The following TREH variants were observed in gnomAD, a reference collection of about 807,000 sequenced individuals.
The protein encoded by TREH is alpha,alpha-trehalose glucohydrolase.
A neutral mutation model predicts 80.5 loss-of-function variants in TREH; 69 were observed. That is an observed-to-expected ratio of 0.86 (90% CI 0.71 to 1.05). The LOEUF (loss-of-function observed/expected upper bound fraction) is 1.05. TREH is among the 50% of genes least tolerant of loss of function. The probability of loss-of-function intolerance (pLI) is 0.00; values close to 1 mark genes in which losing one functional copy is unlikely to be tolerated. For missense variants in TREH, 716 were observed against 718.8 expected (o/e 1.00, Z 0.04); for synonymous variants, 309 against 293.5 (o/e 1.05, Z -0.54).
chr11:118,658,437 C>T lies in TREH; in HGVS notation c.1604G>A (p.Gly535Glu). ...GGGGEYEVQE[G>E]FGWTNGVVLM... ...GACCACGCCATTCGTCCAGCCAAAT[C>T]CCTCCTGGGAGAGGCAGGGCAGTGG... The change falls in exon 15 of 15, where the codon GGA (glycine) becomes GAA (glutamate). Residue 535 changes from glycine to glutamate, a missense_variant. Coordinates refer to ENST00000264029, the MANE Select transcript of TREH (RefSeq NM_007180.3). The T allele has an allele frequency of 1.2e-6, 2 of 1,610,988 alleles. No homozygotes were observed. Among genetic ancestry groups the T allele is most frequent in the South Asian group, 1.1e-5 (1 of 90,696 alleles).
chr11:118,669,362 A>G (rs1348828121), intron 1 of TREH, among the ~76,000 whole-genome samples: 2 of 152,256 alleles, frequency 1.3e-5, no homozygotes, highest in East Asian at 3.8e-4. Context: ...CCAAAAGAAA[A>G]GAATCAATGT....
chr11:118,658,329 G>A lies in TREH; in HGVS notation c.1712C>T (p.Thr571Ile), dbSNP rs561542188. ...AFLEPHCLAA[T>I]LLPSLLLSLL... ...GCTGAGCAGGAGGCTGGGCAGAAGG[G>A]TGGCCGCCAGGCAGTGGGGCTCCAG... is the stretch of plus-strand genomic sequence containing the variant. Residue 571 changes from threonine (T) to isoleucine (I), a missense_variant, in exon 15 of 15, where the codon ACC (threonine) becomes ATC (isoleucine). By Grantham distance (89) the Thr-to-Ile change is moderately conservative. Transcript: ENST00000264029. 3.1e-6 allele frequency: 5 copies of A among 1,592,854 alleles called. No homozygotes were observed. The highest frequency in any genetic ancestry group is 4.3e-6 in the Non-Finnish European group (5 of 1,170,692).
At chr11:118,672,119 G>A (rs1232756779) in intron 1 of TREH, among the ~76,000 whole-genome samples, 1 of 152,216 alleles carries the variant, frequency 6.6e-6, no homozygotes, top group African/African-American at 2.4e-5. Context: ...AACCACCTGG[G>A]CCGGGCATGG....
chr11:118,659,710 G>T, intron 11 of TREH, 37 bp downstream of exon 11: 1 of 1,551,148 alleles, frequency 6.4e-7, no homozygotes, highest in Non-Finnish European at 8.7e-7. Flanking sequence ...GGGCGGTGCT[G>T]CCTGCAGTGG....
Position 118,661,403 on chromosome 11 carries a change from C to T in TREH, c.724G>A (p.Ala242Thr), listed in dbSNP as rs200534594. The change falls in exon 7 of 15, where the codon GCC becomes ACC. Residue 242 changes from alanine to threonine, a missense_variant. Physicochemically the swap from Ala to Thr is moderately conservative, Grantham distance 58. Coordinates refer to ENST00000264029, the MANE Select transcript of TREH (RefSeq NM_007180.3). The surrounding 1 kb of genome is among the most constrained non-coding windows in gnomAD (Gnocchi z 4.2). ...GAGGGTGGTACCCACTGTAGAAAGGCGGTGTCATTGGTGTGAGTCAAGTAG... is the reference window on the plus strand; with the variant it reads ...GAGGGTGGTACCCACTGTAGAAAGGTGGTGTCATTGGTGTGAGTCAAGTAG... The part of the protein sequence containing the change: ...DCYLTHTNDT[A>T]FLQENIETLA... 3.3e-4 allele frequency: 525 copies of T among 1,613,902 alleles called. No homozygotes were observed. The highest frequency in any genetic ancestry group is 7.3e-4 in the Admixed American group (44 of 60,016).
intron 1 of TREH, among the ~76,000 whole-genome samples, chr11:118,668,405 C>CA (rs1314484233): frequency 1.5e-4 from 23 of 150,660 alleles, no homozygotes; most frequent in African/African-American, 3.9e-4. Flanking sequence ...CCTGTCTCTA[C>CA]AAAAAAAATG....
intron 1 of TREH, among the ~76,000 whole-genome samples, chr11:118,676,207 G>A (rs1004973800): frequency 2.0e-5 from 3 of 152,332 alleles, no homozygotes; most frequent in Middle Eastern, 3.4e-3. Context: ...CTGCCTTCAT[G>A]TGGAGTCGTC....
intron 1 of TREH, among the ~76,000 whole-genome samples, chr11:118,678,357 C>CTATTATTAT (rs35368922): frequency 6.6e-6 from 1 of 151,008 alleles, no homozygotes; most frequent in Non-Finnish European, 1.5e-5. Context: ...TGTTTTGCTT[C>CTATTATTAT]TATTATTATT....
intron 4 of TREH, chr11:118,662,597 G>T (rs2137266229): frequency 4.4e-6 from 2 of 456,118 alleles, no homozygotes; most frequent in East Asian, 8.7e-5. Context: ...CTACCCAGTG[G>T]TGCCAGAGGC....
chr11:118,664,060 A>T (rs1163836680), intron 1 of TREH, among the ~76,000 whole-genome samples: 1 of 152,222 alleles, frequency 6.6e-6, no homozygotes, highest in African/African-American at 2.4e-5. Flanking sequence ...GAAATGGTTT[A>T]TTCAGGAGTC....
chr11:118,673,213 A>G (rs1310573748), intron 1 of TREH, among the ~76,000 whole-genome samples: 1 of 152,226 alleles, frequency 6.6e-6, no homozygotes, highest in South Asian at 2.1e-4. Context: ...GAAGAAATGT[A>G]ACTCAGTGGT....
chr11:118,663,118 A>T lies in TREH; in HGVS notation c.269T>A (p.Val90Asp). The change falls in exon 3 of 15, where the codon GTC (valine) becomes GAC (aspartate). Residue 90 changes from valine (V) to aspartate (D), a missense_variant. By Grantham distance (152) the Val-to-Asp change is radical. Coordinates refer to ENST00000264029, the MANE Select transcript of TREH (RefSeq NM_007180.3). ...CCCCTTGGCCTGGAAGTGTTCGTGG[A>T]CAAACGCCTGCAGCTGCTCCCTGGG... is the stretch of plus-strand genomic sequence containing the variant. ...SIPREQLQAF[V>D]HEHFQAKGQE... 1 of 1,613,972 alleles carries T rather than the reference A, an allele frequency of 6.2e-7. No homozygotes were observed. Among genetic ancestry groups the T allele is most frequent in the South Asian group, 1.1e-5 (1 of 91,074 alleles).
At chr11:118,662,817 C>G (rs1949338687) in intron 4 of TREH, 64 bp downstream of exon 4, 2 of 1,530,634 alleles carry the variant, frequency 1.3e-6, no homozygotes, top group Admixed American at 3.9e-5. Flanking sequence ...CACTGTGGGC[C>G]CCAGGCACAT....
chr11:118,658,877 G>C, intron 13 of TREH, 28 bp downstream of exon 13: 1 of 1,612,546 alleles, frequency 6.2e-7, no homozygotes, highest in Non-Finnish European at 8.5e-7. Context: ...ACAGCCTGGG[G>C]GTGCAGGGAG....
intron 12 of TREH, 63 bp from the exon 13 acceptor site, chr11:118,659,080 G>T (rs1215174888): frequency 4.0e-6 from 6 of 1,501,280 alleles, no homozygotes; most frequent in Non-Finnish European, 5.5e-6. Flanking sequence ...AGCAGTGGCT[G>T]CACCCTACTC....
Position 118,679,524 on chromosome 11 carries a change from TC to T in TREH, c.89+14del. ...TTATTGCCATCCTCCCCTGCTGCCTTCCCCACACCCCTACCTCTCACAGGGT... is the reference window on the plus strand; with the variant it reads ...TTATTGCCATCCTCCCCTGCTGCCTTCCCACACCCCTACCTCTCACAGGGT... On this transcript the variant is annotated intron_variant, in intron 1 of 14. Transcript: ENST00000264029. 1 of 1,472,932 alleles carries T rather than the reference TC, an allele frequency of 6.8e-7. No homozygotes were observed. Among genetic ancestry groups the T allele is most frequent in the Non-Finnish European group, 9.0e-7 (1 of 1,106,440 alleles). 91.2% of individuals were successfully genotyped at this position (1,472,932 alleles called of 1,614,324 possible).
chr11:118,677,674 G>A (rs1266421276), intron 1 of TREH, among the ~76,000 whole-genome samples: 1 of 152,228 alleles, frequency 6.6e-6, no homozygotes. Context: ...GCAGCGAGCC[G>A]AGATTGCACC....
chr11:118,659,767 T>A lies in TREH; in HGVS notation c.1300A>T (p.Lys434Ter). Residue 434 changes from lysine (K) to a stop codon, truncating the protein, a stop_gained, in exon 11 of 15, where the codon AAG becomes TAG. Transcript: ENST00000264029. LOFTEE classifies it high-confidence loss of function. ...CTCACCTCCAGGTATTTCAGAGCCT[T>A]GTCCGCCACGCCAGGGTCAGAGAAA... is the stretch of plus-strand genomic sequence containing the variant. ...GCFSDPGVAD[K>*]ALKYLEDNRI... 6.3e-7 allele frequency: 1 copy of A among 1,580,908 alleles called. No homozygotes were observed. Among genetic ancestry groups the A allele is most frequent in the Non-Finnish European group, 8.6e-7 (1 of 1,162,906 alleles).
chr11:118,661,742 C>T lies in TREH; in HGVS notation c.525-13G>A, dbSNP rs1949325062. 3 of 1,613,600 alleles carry T rather than the reference C, an allele frequency of 1.9e-6. No homozygotes were observed. The highest frequency in any genetic ancestry group is 1.3e-5 in the African/African-American group (1 of 75,046). ...CCAGTAGGAGTCCCTGGGGAAGGGG[C>T]AGCTTAGGCACCACCCTGCTGCCTC... On this transcript the variant is annotated splice_polypyrimidine_tract_variant and intron_variant, in intron 5 of 14. Coordinates refer to ENST00000264029, the MANE Select transcript of TREH (RefSeq NM_007180.3). This position sits in a 1 kb window ranked among gnomAD's most constrained non-coding sequence, Gnocchi z 4.2.
Sources: gnomAD v4.1 joint callset for allele counts (sites outside exome capture counted in the v4.1 genomes callset) on GRCh38, gnomAD v4.1.1 for gene constraint, Gnocchi (gnomAD v3.1) non-coding constraint, MANE v1.5 for transcripts, NCBI Gene and HGNC (gene_info 2026-07-23, HGNC 2026-07-21) for gene names.